Variants in BCL2 observed in about 807,000 individuals in gnomAD.
BCL2 encodes the protein apoptosis regulator Bcl-2.
Under a neutral mutation model 14.2 loss-of-function variants are expected in BCL2, and 1 was observed. The observed-to-expected ratio is 0.07, with a 90% CI of 0.02 to 0.33. The LOEUF (loss-of-function observed/expected upper bound fraction) is 0.33. Ranked by LOEUF, BCL2 falls within the 10% of genes least tolerant of loss-of-function variation. The pLI, the probability that BCL2 is intolerant of heterozygous loss-of-function variation, is 0.99. For missense variants in BCL2, 247 were observed against 305.9 expected (o/e 0.81, Z 1.44); for synonymous variants, 151 against 137.2 (o/e 1.10, Z -0.70).
At position 63,220,801 on chromosome 18, in the gene BCL2, G is replaced by C. The variant is rs749343952; in HGVS notation, c.586-92042C>G. Among the ~76,000 whole-genome samples, 6 of 149,006 alleles carry C rather than the reference G, an allele frequency of 4.0e-5. No homozygotes were observed. The South Asian group carries it at 6.4e-4, about 16-fold the overall frequency. Reference sequence around the variant, plus strand: ...AGGTTTCCGGTAGGTGATGGATCCTGAAAGATGTCTTCAAGGAGAAAAAAA... The same window carrying C: ...AGGTTTCCGGTAGGTGATGGATCCTCAAAGATGTCTTCAAGGAGAAAAAAA... On this transcript the variant is annotated intron_variant, in intron 2 of 2. Transcript: ENST00000333681.
chr18:63,210,255 G>T (rs566284023), intron 2 of BCL2, among the ~76,000 whole-genome samples: 1 of 152,190 alleles, frequency 6.6e-6, no homozygotes, highest in Non-Finnish European at 1.5e-5. Context: ...TACAAGGGAC[G>T]AAAAGCAAAT....
chr18:63,165,879 C>T lies in BCL2; in HGVS notation c.586-37120G>A, dbSNP rs533448882. Among the ~76,000 whole-genome samples, 32 of 152,328 alleles carry T rather than the reference C, an allele frequency of 2.1e-4. 1 individual carries two copies. Among genetic ancestry groups the T allele is most frequent in the South Asian group, 2.1e-3 (10 of 4,830 alleles). ...CAATGTTGAAAACAGAGTTCACTCC[C>T]AGGTTGGGTCTAATTGAGCCAGACA... On this transcript the variant is annotated intron_variant, in intron 2 of 2. Transcript: ENST00000333681.
At chr18:63,163,268 C>G (rs1049638521) in intron 2 of BCL2, among the ~76,000 whole-genome samples, 2 of 152,228 alleles carry the variant, frequency 1.3e-5, no homozygotes, top group Non-Finnish European at 2.9e-5. Flanking sequence ...CCTTCCTCAC[C>G]TGACCATTCA....
chr18:63,156,343 T>C (rs1914781792), intron 2 of BCL2, among the ~76,000 whole-genome samples: 1 of 152,150 alleles, frequency 6.6e-6, no homozygotes, highest in African/African-American at 2.4e-5. Context: ...GGTCAGGTAA[T>C]TCTTTGTTGT....
chr18:63,317,496 A>G, intron 2 of BCL2: 1 of 955,086 alleles, frequency 1.0e-6, no homozygotes. Context: ...GCTCTTTACA[A>G]ACACAACTAA....
At chr18:63,221,266 C>T (rs555861439) in intron 2 of BCL2, among the ~76,000 whole-genome samples, 1 of 152,244 alleles carries the variant, frequency 6.6e-6, no homozygotes, top group South Asian at 2.1e-4. Context: ...CAACCAATTC[C>T]AGGTTTGTTT....
chr18:63,204,134 A>G (rs1041532843), intron 2 of BCL2, among the ~76,000 whole-genome samples: 6 of 152,232 alleles, frequency 3.9e-5, no homozygotes, highest in Non-Finnish European at 8.8e-5. Context: ...CTGCTCACAT[A>G]TGAACTGACT....
chr18:63,140,407 T>C lies in BCL2; in HGVS notation c.586-11648A>G, dbSNP rs111241995. Among the ~76,000 whole-genome samples, 489 of 152,358 alleles carry C rather than the reference T, an allele frequency of 3.2e-3. 4 individuals are homozygous for C. The highest frequency in any genetic ancestry group is 0.011 in the African/African-American group (456 of 41,586). ...GGAAATGACCCAAATATCCACTAAC[T>C]GATGAACAAATAAACAAAATGTGGT... On this transcript the variant is annotated intron_variant, in intron 2 of 2. Coordinates refer to ENST00000333681, the MANE Select transcript of BCL2 (RefSeq NM_000633.3).
intron 2 of BCL2, among the ~76,000 whole-genome samples, chr18:63,154,333 C>A (rs535952139): frequency 2.0e-5 from 3 of 152,302 alleles, no homozygotes; most frequent in Non-Finnish European, 4.4e-5. Context: ...AGCTCCCAAC[C>A]GATCTTCCCT....
intron 2 of BCL2, among the ~76,000 whole-genome samples, chr18:63,306,711 A>C (rs946995259): frequency 5.9e-5 from 9 of 152,142 alleles, no homozygotes; most frequent in African/African-American, 2.2e-4. Flanking sequence ...AGCTTTAAAC[A>C]TGCTCTCCTG....
intron 2 of BCL2, among the ~76,000 whole-genome samples, chr18:63,131,509 C>A (rs1188634726): frequency 2.0e-5 from 3 of 152,194 alleles, no homozygotes; most frequent in African/African-American, 7.2e-5. Context: ...GTCAGGACTT[C>A]TCCACAAGCC....
intron 2 of BCL2, among the ~76,000 whole-genome samples, chr18:63,172,995 T>C (rs1468268983): frequency 6.6e-6 from 1 of 152,208 alleles, no homozygotes; most frequent in Non-Finnish European, 1.5e-5. Context: ...AGGATGTCTA[T>C]AAATAGTAAT....
intron 2 of BCL2, among the ~76,000 whole-genome samples, chr18:63,294,899 A>C (rs1568261269): frequency 6.6e-6 from 1 of 151,630 alleles, no homozygotes; most frequent in Non-Finnish European, 1.5e-5. Flanking sequence ...GGTGGCTTAC[A>C]CCTGTAATCC....
intron 2 of BCL2, among the ~76,000 whole-genome samples, chr18:63,175,703 G>A (rs1915335354): frequency 6.6e-6 from 1 of 152,184 alleles, no homozygotes; most frequent in Non-Finnish European, 1.5e-5. Context: ...CCACTACACA[G>A]GTGCCCAAAA....
chr18:63,308,183 T>C (rs2065463860), intron 2 of BCL2, among the ~76,000 whole-genome samples: 2 of 152,230 alleles, frequency 1.3e-5, no homozygotes, highest in Non-Finnish European at 2.9e-5. Context: ...GCAGTGTCTT[T>C]AGAAATGGAA....
intron 2 of BCL2, among the ~76,000 whole-genome samples, chr18:63,293,960 C>CT (rs397698226): frequency 0.48 from 70,726 of 147,776 alleles, 16,733 homozygotes; most frequent in Admixed American, 0.53. Context: ...CTTTTTTTCT[C>CT]TTTTTTTTTT....
chr18:63,239,933 G>T (rs1910952484), intron 2 of BCL2, among the ~76,000 whole-genome samples: 1 of 152,150 alleles, frequency 6.6e-6, no homozygotes, highest in Non-Finnish European at 1.5e-5. Flanking sequence ...AGAGAGAGAT[G>T]TAATTGTCAC....
intron 2 of BCL2, chr18:63,302,742 A>C (rs1913004456): frequency 1.0e-6 from 1 of 985,440 alleles, no homozygotes; most frequent in African/African-American, 1.7e-5. Flanking sequence ...GGATGCAGTA[A>C]GAGTTTCCTA....
At chr18:63,293,906 C>T (rs1174807938) in intron 2 of BCL2, among the ~76,000 whole-genome samples, 1 of 151,158 alleles carries the variant, frequency 6.6e-6, no homozygotes, top group African/African-American at 2.4e-5. Flanking sequence ...AGCTTTAAAT[C>T]TTTTTTAGGA....
Sources: allele counts gnomAD v4.1 joint callset (sites outside exome capture counted in the v4.1 genomes callset), GRCh38; gene constraint gnomAD v4.1.1; transcripts MANE v1.5; gene names NCBI Gene and HGNC (gene_info 2026-07-23, HGNC 2026-07-21).